NKX2-2: variants seen among roughly 807,000 people sequenced by gnomAD.
NKX2-2 encodes NK2 homeobox 2.
In NKX2-2, 8 loss-of-function variants were observed where a neutral mutation model predicts 24.6. The observed-to-expected ratio is 0.32, with a 90% CI of 0.19 to 0.59. NKX2-2 has a LOEUF of 0.59. NKX2-2 is among the 20% of genes least tolerant of loss of function. The probability of loss-of-function intolerance (pLI) is 0.86; values close to 1 mark genes in which losing one functional copy is unlikely to be tolerated. For missense variants in NKX2-2, 381 were observed against 373.9 expected, an observed-to-expected ratio of 1.02 and a Z score of -0.16; for synonymous variants, 217 against 173.3, an observed-to-expected ratio of 1.25 and a Z score of -1.98.
upstream of NKX2-2, among the ~76,000 whole-genome samples, chr20:21,515,515 G>A (rs1478847918): frequency 6.6e-6 from 1 of 152,040 alleles, no homozygotes; most frequent in African/African-American, 2.4e-5. Context: ...GAACTTTCCC[G>A]GGACTTGCAC....
upstream of NKX2-2, among the ~76,000 whole-genome samples, chr20:21,514,967 C>T (rs927683716): frequency 6.6e-6 from 1 of 151,928 alleles, no homozygotes; most frequent in African/African-American, 2.4e-5. Context: ...CGCCTCCCCC[C>T]ACCTCCCACC....
At chr20:21,515,557 A>G (rs1329124826), upstream of NKX2-2, among the ~76,000 whole-genome samples, 1 of 144,050 alleles carries the variant, frequency 6.9e-6, no homozygotes. Context: ...GGAAAAGACC[A>G]CGCCGCATTT....
upstream of NKX2-2, among the ~76,000 whole-genome samples, chr20:21,515,786 C>T (rs1033501520): frequency 1.3e-5 from 2 of 152,166 alleles, no homozygotes; most frequent in Non-Finnish European, 2.9e-5. Flanking sequence ...CCGGGTCCTC[C>T]TCGCGCGCAG....
rs1385414098 is a variant in NKX2-2 at position 21,513,283 on chromosome 20, C to A, written c.259+128G>T. The stretch of plus-strand genomic sequence containing the variant: ...TCCTATACAGGTGTTAAAAATCTTT[C>A]TACGGATCCGAGTGAGGGGGTCCGG... On this transcript the variant is annotated intron_variant, in intron 1 of 1. Coordinates refer to ENST00000377142, the MANE Select transcript of NKX2-2 (RefSeq NM_002509.4). This position sits in a 1 kb window ranked among gnomAD's most constrained non-coding sequence, Gnocchi z 4.6. 4 of 1,014,318 alleles carry A rather than the reference C, an allele frequency of 3.9e-6. No homozygotes were observed. Among genetic ancestry groups the A allele is most frequent in the Admixed American group, 6.8e-5 (2 of 29,582 alleles). The allele number at this position is 1,014,318 out of a possible 1,614,324, so 62.8% of individuals were successfully genotyped here.
At chr20:21,522,122 G>C in the NKX2-2 span, among the ~76,000 whole-genome samples, 1 of 152,260 alleles carries the variant, frequency 6.6e-6, no homozygotes, top group Non-Finnish European at 1.5e-5. Flanking sequence ...CTGCAGGCGC[G>C]ACAGAGGGGC....
At chr20:21,521,458 C>T in the NKX2-2 span, among the ~76,000 whole-genome samples, 2 of 152,194 alleles carry the variant, frequency 1.3e-5, no homozygotes, top group African/African-American at 4.8e-5. Context: ...AAACTCCAGT[C>T]TTCAGTCGCC....
At position 21,511,476 on chromosome 20, in the gene NKX2-2, T is replaced by A. The variant is rs1282872928; in HGVS notation, c.*447A>T. Reference sequence around the variant, plus strand: ...AAAAGGAAGAAATTCTCTGTATTTTTAAAGTGTTCTCCACTTGCTTTAGAA... The same window carrying A: ...AAAAGGAAGAAATTCTCTGTATTTTAAAAGTGTTCTCCACTTGCTTTAGAA... On this transcript the variant is annotated 3_prime_UTR_variant, in exon 2 of 2. Transcript: ENST00000377142. 1 of 155,470 alleles carries A rather than the reference T, an allele frequency of 6.4e-6. No homozygotes were observed. Among genetic ancestry groups the A allele is most frequent in the African/African-American group, 2.4e-5 (1 of 41,586 alleles). The allele number at this position is 155,470 out of a possible 1,614,324, so 9.6% of individuals were successfully genotyped here. A position where few individuals can be genotyped will look rare whatever the true frequency, so the allele number is the denominator to read the frequency against.
chr20:21,517,476 G>T (rs756952471), upstream of NKX2-2, among the ~76,000 whole-genome samples: 56 of 152,178 alleles, frequency 3.7e-4, no homozygotes, highest in Non-Finnish European at 6.8e-4. Flanking sequence ...TGGTTCCCGC[G>T]TCCATTTCCA....
At position 21,512,160 on chromosome 20, in the gene NKX2-2, C is replaced by A; in HGVS notation, c.585G>T (p.Thr195=). Residue 195 remains threonine (T), a synonymous_variant, in exon 2 of 2, where the codon ACG becomes ACT. Transcript: ENST00000377142. ...CCACCCGGCGCGGCGAGGGCAGGGG[C>A]GTCACCTCCATACCTTTCTCGGCCC... ...RARAEKGMEV[T]PLPSPRRVAV... is the part of the protein sequence containing the mutation. 1 of 1,613,814 alleles carries A rather than the reference C, an allele frequency of 6.2e-7. No individual in the cohort carries two copies.
upstream of NKX2-2, among the ~76,000 whole-genome samples, chr20:21,516,998 G>A (rs2122549854): frequency 6.6e-6 from 1 of 152,252 alleles, no homozygotes; most frequent in South Asian, 2.1e-4. Context: ...CCCCTCACCC[G>A]TGGGAGCCTG....
chr20:21,522,323 G>T, the NKX2-2 span, among the ~76,000 whole-genome samples: 2 of 152,174 alleles, frequency 1.3e-5, no homozygotes, highest in Non-Finnish European at 2.9e-5. Context: ...GCCGCTCGGC[G>T]GCGACGACGG....
chr20:21,514,194 G>A (rs1980552468), upstream of NKX2-2, among the ~76,000 whole-genome samples: 1 of 152,006 alleles, frequency 6.6e-6, no homozygotes, highest in African/African-American at 2.4e-5. Context: ...GAGAGGGAGC[G>A]GGAGAAGGGT....
chr20:21,520,861 G>T, the NKX2-2 span, among the ~76,000 whole-genome samples: 1 of 152,248 alleles, frequency 6.6e-6, no homozygotes, highest in Non-Finnish European at 1.5e-5. Context: ...TTCCCCGGAT[G>T]AGGGCGATTT....
At position 21,511,817 on chromosome 20, in the gene NKX2-2, AATT is replaced by A. The variant is rs1980438906; in HGVS notation, c.*103_*105del. ...AGAGTCAACTCGACTCCATAATAAT[AATT>A]ATAATAATAATAATAACCACCATAA... is the stretch of plus-strand genomic sequence containing the variant. On this transcript the variant is annotated 3_prime_UTR_variant, in exon 2 of 2. Transcript: ENST00000377142. The A allele has an allele frequency of 6.1e-6, 5 of 825,672 alleles. No homozygotes were observed. The African/African-American group carries it at 8.8e-5, about 14-fold the overall frequency. 51.1% of individuals were successfully genotyped at this position (825,672 alleles called of 1,614,324 possible). A position where few individuals can be genotyped will look rare whatever the true frequency, so the allele number is the denominator to read the frequency against.
the NKX2-2 span, among the ~76,000 whole-genome samples, chr20:21,522,235 C>T: frequency 4.6e-5 from 7 of 152,330 alleles, no homozygotes; most frequent in Non-Finnish European, 4.4e-5. Flanking sequence ...GACTACGCGG[C>T]TTGGGGATCG....
upstream of NKX2-2, among the ~76,000 whole-genome samples, chr20:21,515,384 C>G (rs1173971895): frequency 3.3e-5 from 5 of 152,098 alleles, no homozygotes; most frequent in Non-Finnish European, 7.3e-5. Flanking sequence ...TCTTCTCCCA[C>G]GCGAGTTCTT....
upstream of NKX2-2, among the ~76,000 whole-genome samples, chr20:21,517,739 G>C (rs908725936): frequency 2.0e-5 from 3 of 152,292 alleles, no homozygotes; most frequent in African/African-American, 4.8e-5. Flanking sequence ...GGCGCCAAAC[G>C]CACCTTTTCT....
At position 21,513,643 on chromosome 20, in the gene NKX2-2, C is replaced by T; in HGVS notation, c.27G>A (p.Gly9=). Residue 9 remains glycine, a synonymous_variant, in exon 1 of 2, where the codon GGG becomes GGA. Coordinates refer to ENST00000377142, the MANE Select transcript of NKX2-2 (RefSeq NM_002509.4). The surrounding 1 kb of genome is among the most constrained non-coding windows in gnomAD (Gnocchi z 4.6). MSLTNTKT[G]FSVKDILDLP... ...GGTCTAAGATGTCCTTGACCGAAAA[C>T]CCCGTCTTTGTGTTGGTCAGCGACA... 3.1e-6 allele frequency: 5 copies of T among 1,592,380 alleles called. No homozygotes were observed. Among genetic ancestry groups the T allele is most frequent in the Non-Finnish European group, 4.3e-6 (5 of 1,171,804 alleles).
At chr20:21,512,535 CA>C (rs1980479414) in intron 1 of NKX2-2, 50 bp from the exon 2 acceptor site, 1 of 1,352,444 alleles carries the variant, frequency 7.4e-7, no homozygotes, top group Admixed American at 2.4e-5. Flanking sequence ...AGGCCGCGCG[CA>C]GCCTGCACCA....
Sources: allele counts gnomAD v4.1 joint callset (sites outside exome capture counted in the v4.1 genomes callset), GRCh38; gene constraint gnomAD v4.1.1; non-coding constraint Gnocchi (gnomAD v3.1); transcripts MANE v1.5; gene names NCBI Gene and HGNC (gene_info 2026-07-23, HGNC 2026-07-21).